H1-4: variants seen among roughly 807,000 people sequenced by gnomAD.
H1-4 encodes the protein histone H1.4.
A neutral mutation model predicts 7.2 loss-of-function variants in H1-4; 9 were observed. That is an observed-to-expected ratio of 1.25 (90% CI 0.75 to 2.18). H1-4 has a LOEUF of 2.18. H1-4 is among the 30% of genes most tolerant of loss of function. H1-4 has a pLI of 0.00. For missense variants in H1-4, 646 were observed against 287.9 expected, an observed-to-expected ratio of 2.24 and a Z score of -9.00; for synonymous variants, 318 against 126.6, an observed-to-expected ratio of 2.51 and a Z score of -10.15.
rs747452746 is a variant in H1-4 at position 26,156,987 on chromosome 6, T to TA, written c.600dup (p.Pro201ThrfsTer?). On this transcript the variant is annotated frameshift_variant, in exon 1 of 1. Coordinates refer to ENST00000304218, the MANE Select transcript of H1-4 (RefSeq NM_005321.3). LOFTEE classifies it high-confidence loss of function. Reference sequence around the variant, plus strand: ...CCAAAGCAGTTAAACCCAAGGCGGCTAAACCAAAGACCGCCAAGCCCAAGG... The same window carrying TA: ...CCAAAGCAGTTAAACCCAAGGCGGCTAAAACCAAAGACCGCCAAGCCCAAGG... The TA allele has an allele frequency of 1.2e-6, 2 of 1,607,236 alleles. No homozygotes were observed. The highest frequency in any genetic ancestry group is 1.7e-6 in the Non-Finnish European group (2 of 1,178,556).
Position 26,156,772 on chromosome 6 carries a change from G to A in H1-4, c.382G>A (p.Ala128Thr), listed in dbSNP as rs749308755. The change falls in exon 1 of 1, where the codon GCC (alanine) becomes ACC (threonine). Residue 128 changes from alanine (A) to threonine (T), a missense_variant. Coordinates refer to ENST00000304218, the MANE Select transcript of H1-4 (RefSeq NM_005321.3). Reference protein sequence around the residue: ...PKAKKAGAAKAKKPAGAAKKP... With the variant: ...PKAKKAGAAKTKKPAGAAKKP... ...GGCTAAAAAGGCAGGCGCGGCCAAG[G>A]CCAAGAAGCCAGCAGGAGCGGCGAA... is the stretch of plus-strand genomic sequence containing the variant. 9 of 1,612,956 alleles carry A rather than the reference G, an allele frequency of 5.6e-6. No homozygotes were observed. The highest frequency in any genetic ancestry group is 2.7e-5 in the African/African-American group (2 of 74,912).
rs1343813619 is a variant in H1-4, at chr6:26,157,088, A to AC, written c.*41dup. The AC allele has an allele frequency of 3.8e-6, 6 of 1,559,068 alleles. No individual in the cohort carries two copies. Among genetic ancestry groups the AC allele is most frequent in the Admixed American group, 2.2e-5 (1 of 45,522 alleles). ...GCCAACTGCTTAGAAGCCCAACACA[A>AC]CCCAAAGGCTCTTTTCAGAGCCACC... On this transcript the variant is annotated 3_prime_UTR_variant, in exon 1 of 1. Transcript: ENST00000304218.
In H1-4 at chr6:26,156,801, G is replaced by C; in HGVS notation, c.411G>C (p.Lys137Asn). ...KAKKPAGAAKKPKKATGAATP... is the reference protein window; with the variant it reads ...KAKKPAGAAKNPKKATGAATP... ...AGAAGCCAGCAGGAGCGGCGAAGAA[G>C]CCCAAGAAGGCGACGGGGGCGGCCA... Residue 137 changes from lysine (K) to asparagine (N), a missense_variant, in exon 1 of 1, where the codon AAG (lysine) becomes AAC (asparagine). Lys to Asn is a moderately conservative substitution (Grantham distance 94). Transcript: ENST00000304218. 6.2e-7 allele frequency: 1 copy of C among 1,610,078 alleles called. No homozygotes were observed. The highest frequency in any genetic ancestry group is 8.5e-7 in the Non-Finnish European group (1 of 1,178,132).
rs747396910 is a variant in H1-4 at position 26,156,910 on chromosome 6, A to C, written c.520A>C (p.Lys174Gln). ...AAGAKKAKSP[K>Q]KAKAAKPKKA... ...TGGAGCCAAAAAAGCGAAAAGCCCG[A>C]AAAAGGCGAAAGCAGCCAAGCCAAA... Residue 174 changes from lysine to glutamine, a missense_variant, in exon 1 of 1, where the codon AAA becomes CAA. Lys to Gln is a moderately conservative substitution (Grantham distance 53). Coordinates refer to ENST00000304218, the MANE Select transcript of H1-4 (RefSeq NM_005321.3). The C allele has an allele frequency of 2.5e-6, 4 of 1,610,136 alleles. No homozygotes were observed. Among genetic ancestry groups the C allele is most frequent in the East Asian group, 2.2e-5 (1 of 44,782 alleles).
Position 26,156,638 on chromosome 6 carries a change from G to C in H1-4, c.248G>C (p.Gly83Ala). 6.2e-7 allele frequency: 1 copy of C among 1,614,268 alleles called. No homozygotes were observed. The highest frequency in any genetic ancestry group is 1.1e-5 in the South Asian group (1 of 91,090). Residue 83 changes from glycine (G) to alanine (A), a missense_variant, in exon 1 of 1, where the codon GGT becomes GCT. By Grantham distance (60) the Gly-to-Ala change is moderately conservative. Transcript: ENST00000304218. ...VEKNNSRIKLGLKSLVSKGTL... is the reference protein window; with the variant it reads ...VEKNNSRIKLALKSLVSKGTL... ...AAGAACAACAGCCGCATCAAGCTGG[G>C]TCTCAAGAGCCTGGTGAGCAAGGGC...
In H1-4 at chr6:26,157,084, C is replaced by A; in HGVS notation, c.*34C>A. On this transcript the variant is annotated 3_prime_UTR_variant, in exon 1 of 1. Coordinates refer to ENST00000304218, the MANE Select transcript of H1-4 (RefSeq NM_005321.3). ...TTTGGCCAACTGCTTAGAAGCCCAA[C>A]ACAACCCAAAGGCTCTTTTCAGAGC... 1 of 1,565,496 alleles carries A rather than the reference C, an allele frequency of 6.4e-7. No homozygotes were observed. The highest frequency in any genetic ancestry group is 8.6e-7 in the Non-Finnish European group (1 of 1,165,524).
chr6:26,156,983 C>A lies in H1-4; in HGVS notation c.593C>A (p.Ala198Glu). ...PAKAKAVKPKAAKPKTAKPKA... is the reference protein window; with the variant it reads ...PAKAKAVKPKEAKPKTAKPKA... The stretch of plus-strand genomic sequence containing the variant: ...AAGGCCAAAGCAGTTAAACCCAAGG[C>A]GGCTAAACCAAAGACCGCCAAGCCC... The change falls in exon 1 of 1, where the codon GCG (alanine) becomes GAG (glutamate). Residue 198 changes from alanine (A) to glutamate (E), a missense_variant. Physicochemically the swap from Ala to Glu is moderately radical, Grantham distance 107. Transcript: ENST00000304218. 6.2e-7 allele frequency: 1 copy of A among 1,607,720 alleles called. No individual in the cohort carries two copies. Among genetic ancestry groups the A allele is most frequent in the Non-Finnish European group, 8.5e-7 (1 of 1,178,636 alleles).
In H1-4 at chr6:26,156,385, T is replaced by C. The variant is rs767093143; in HGVS notation, c.-6T>C. ...CGAATTGCTCTCGCTCACGCTTGCC[T>C]TCAACATGTCCGAGACTGCGCCTGC... On this transcript the variant is annotated 5_prime_UTR_variant, in exon 1 of 1. Transcript: ENST00000304218. 8 of 1,559,688 alleles carry C rather than the reference T, an allele frequency of 5.1e-6. No homozygotes were observed. The African/African-American group carries it at 9.6e-5, about 19-fold the overall frequency.
chr6:26,156,589 G>A lies in H1-4; in HGVS notation c.199G>A (p.Ala67Thr). 4 of 1,614,212 alleles carry A rather than the reference G, an allele frequency of 2.5e-6. No individual in the cohort carries two copies. The highest frequency in any genetic ancestry group is 3.4e-6 in the Non-Finnish European group (4 of 1,180,022). ...VSLAALKKAL[A>T]AAGYDVEKNN... ...TTTGGCCGCTCTCAAGAAAGCGCTGGCAGCCGCTGGCTATGACGTGGAGAA... is the reference window on the plus strand; with the variant it reads ...TTTGGCCGCTCTCAAGAAAGCGCTGACAGCCGCTGGCTATGACGTGGAGAA... Residue 67 changes from alanine (A) to threonine (T), a missense_variant, in exon 1 of 1, where the codon GCA (alanine) becomes ACA (threonine). Ala to Thr is a moderately conservative substitution (Grantham distance 58). Transcript: ENST00000304218.
chr6:26,156,782 C>T lies in H1-4; in HGVS notation c.392C>T (p.Pro131Leu), dbSNP rs1319019432. Residue 131 changes from proline to leucine, a missense_variant, in exon 1 of 1, where the codon CCA becomes CTA. Coordinates refer to ENST00000304218, the MANE Select transcript of H1-4 (RefSeq NM_005321.3). The stretch of plus-strand genomic sequence containing the variant: ...GCAGGCGCGGCCAAGGCCAAGAAGC[C>T]AGCAGGAGCGGCGAAGAAGCCCAAG... ...KKAGAAKAKK[P>L]AGAAKKPKKA... is the part of the protein sequence containing the mutation. 10 of 1,612,528 alleles carry T rather than the reference C, an allele frequency of 6.2e-6. No individual in the cohort carries two copies. Among genetic ancestry groups the T allele is most frequent in the South Asian group, 1.1e-5 (1 of 91,014 alleles).
rs771131490 is a variant in H1-4 at position 26,156,829 on chromosome 6, C to G, written c.439C>G (p.Pro147Ala). ...KPKKATGAAT[P>A]KKSAKKTPKK... ...CAAGAAGGCGACGGGGGCGGCCACC[C>G]CCAAGAAGAGCGCCAAGAAGACCCC... is the stretch of plus-strand genomic sequence containing the variant. Residue 147 changes from proline to alanine, a missense_variant, in exon 1 of 1, where the codon CCC becomes GCC. Physicochemically the swap from Pro to Ala is conservative, Grantham distance 27 (BLOSUM62 -1). Transcript: ENST00000304218. The G allele has an allele frequency of 5.0e-6, 8 of 1,606,530 alleles. No individual in the cohort carries two copies. The Admixed American group carries it at 1.2e-4, about 24-fold the overall frequency.
In H1-4 at chr6:26,156,736, GC is replaced by G; in HGVS notation, c.348del (p.Lys117SerfsTer112). The G allele has an allele frequency of 6.2e-7, 1 of 1,614,076 alleles. No homozygotes were observed. On this transcript the variant is annotated frameshift_variant, in exon 1 of 1. Transcript: ENST00000304218. LOFTEE classifies it high-confidence loss of function. The stretch of plus-strand genomic sequence containing the variant: ...CAACAAGAAGGCGGCCTCTGGGGAA[GC>G]CAAGCCTAAGGCTAAAAAGGCAGGC... ...KLNKKAASGE[A>X]KPKAKKAGAA...
In H1-4 at chr6:26,156,937, A is replaced by G. The variant is rs1458296952; in HGVS notation, c.547A>G (p.Lys183Glu). Reference sequence around the variant, plus strand: ...AAAGGCGAAAGCAGCCAAGCCAAAAAAGGCGCCCAAGAGCCCAGCGAAGGC... The same window carrying G: ...AAAGGCGAAAGCAGCCAAGCCAAAAGAGGCGCCCAAGAGCCCAGCGAAGGC... ...PKKAKAAKPK[K>E]APKSPAKAKA... Residue 183 changes from lysine (K) to glutamate (E), a missense_variant, in exon 1 of 1, where the codon AAG (lysine) becomes GAG (glutamate). Lys to Glu is a moderately conservative substitution (Grantham distance 56). Coordinates refer to ENST00000304218, the MANE Select transcript of H1-4 (RefSeq NM_005321.3). 3 of 1,612,310 alleles carry G rather than the reference A, an allele frequency of 1.9e-6. No individual in the cohort carries two copies. The highest frequency in any genetic ancestry group is 1.9e-4 in the Middle Eastern group (1 of 5,210).
rs750732280 is a variant in H1-4, at chr6:26,156,990, A to G, written c.600A>G (p.Lys200=). ...AAGCAGTTAAACCCAAGGCGGCTAA[A>G]CCAAAGACCGCCAAGCCCAAGGCAG... ...KAKAVKPKAA[K]PKTAKPKAAK... The change falls in exon 1 of 1, where the codon AAA becomes AAG. Residue 200 remains lysine (K), a synonymous_variant. Transcript: ENST00000304218. The G allele has an allele frequency of 6.2e-6, 10 of 1,604,940 alleles. No homozygotes were observed. Among genetic ancestry groups the G allele is most frequent in the Admixed American group, 3.5e-5 (2 of 57,228 alleles).
chr6:26,156,901 A>G lies in H1-4; in HGVS notation c.511A>G (p.Lys171Glu), dbSNP rs1484879109. 1.2e-6 allele frequency: 2 copies of G among 1,610,496 alleles called. No individual in the cohort carries two copies. Among genetic ancestry groups the G allele is most frequent in the Non-Finnish European group, 8.5e-7 (1 of 1,179,062 alleles). ...TGCAGCTGCTGGAGCCAAAAAAGCG[A>G]AAAGCCCGAAAAAGGCGAAAGCAGC... ...PAAAAGAKKA[K>E]SPKKAKAAKP... The change falls in exon 1 of 1, where the codon AAA (lysine) becomes GAA (glutamate). Residue 171 changes from lysine to glutamate, a missense_variant. Coordinates refer to ENST00000304218, the MANE Select transcript of H1-4 (RefSeq NM_005321.3).
In H1-4 at chr6:26,156,596, C is replaced by T. The variant is rs755955332; in HGVS notation, c.206C>T (p.Ala69Val). Residue 69 changes from alanine (A) to valine (V), a missense_variant, in exon 1 of 1, where the codon GCT becomes GTT. Transcript: ENST00000304218. ...GCTCTCAAGAAAGCGCTGGCAGCCG[C>T]TGGCTATGACGTGGAGAAGAACAAC... ...LAALKKALAA[A>V]GYDVEKNNSR... The T allele has an allele frequency of 8.1e-6, 13 of 1,614,218 alleles. No individual in the cohort carries two copies. In the South Asian group the frequency reaches 1.2e-4, roughly 15 times the overall value.
Position 26,157,103 on chromosome 6 carries a change from T to C in H1-4, c.*53T>C. ...GCCCAACACAACCCAAAGGCTCTTT[T>C]CAGAGCCACCCACCGCTCTCAGTAA... On this transcript the variant is annotated 3_prime_UTR_variant, in exon 1 of 1. Coordinates refer to ENST00000304218, the MANE Select transcript of H1-4 (RefSeq NM_005321.3). 6.5e-7 allele frequency: 1 copy of C among 1,545,750 alleles called. No homozygotes were observed. Among genetic ancestry groups the C allele is most frequent in the Non-Finnish European group, 8.7e-7 (1 of 1,155,068 alleles).
In H1-4 at chr6:26,156,791, C is replaced by T. The variant is rs753011467; in HGVS notation, c.401C>T (p.Ala134Val). 13 of 1,611,366 alleles carry T rather than the reference C, an allele frequency of 8.1e-6. No homozygotes were observed. Among genetic ancestry groups the T allele is most frequent in the South Asian group, 4.4e-5 (4 of 90,912 alleles). The change falls in exon 1 of 1, where the codon GCG becomes GTG. Residue 134 changes from alanine to valine, a missense_variant. Transcript: ENST00000304218. ...GCCAAGGCCAAGAAGCCAGCAGGAG[C>T]GGCGAAGAAGCCCAAGAAGGCGACG... ...GAAKAKKPAG[A>V]AKKPKKATGA...
rs2113827973 is a variant in H1-4 at position 26,157,069 on chromosome 6, TGC to T, written c.*20_*21del. The T allele has an allele frequency of 1.3e-6, 2 of 1,574,152 alleles. No homozygotes were observed. The highest frequency in any genetic ancestry group is 4.5e-5 in the East Asian group (2 of 44,750). ...AAAGTAGAAAGTTCCTTTGGCCAACTGCTTAGAAGCCCAACACAACCCAAAGG... is the reference window on the plus strand; with the variant it reads ...AAAGTAGAAAGTTCCTTTGGCCAACTTTAGAAGCCCAACACAACCCAAAGG... On this transcript the variant is annotated 3_prime_UTR_variant, in exon 1 of 1. Coordinates refer to ENST00000304218, the MANE Select transcript of H1-4 (RefSeq NM_005321.3).
Sources: gnomAD v4.1 joint callset for allele counts on GRCh38, gnomAD v4.1.1 for gene constraint, MANE v1.5 for transcripts, NCBI Gene and HGNC (gene_info 2026-07-23, HGNC 2026-07-21) for gene names.